TTC8: variants seen among roughly 807,000 people sequenced by gnomAD.
TTC8 encodes tetratricopeptide repeat protein 8.
A neutral mutation model predicts 72.5 loss-of-function variants in TTC8; 47 were observed. That is an observed-to-expected ratio of 0.65 (90% CI 0.51 to 0.83). The LOEUF (loss-of-function observed/expected upper bound fraction) is 0.83, where lower values mean the gene tolerates loss of function less well. TTC8 is among the 40% of genes least tolerant of loss of function. The pLI, the probability that TTC8 is intolerant of heterozygous loss-of-function variation, is 0.00. For synonymous variants in TTC8, 199 were observed against 221.4 expected, an observed-to-expected ratio of 0.90 and a Z score of 0.90; for missense variants, 611 against 623.2, an observed-to-expected ratio of 0.98 and a Z score of 0.21.
At chr14:88,873,672 G>A (rs1389823119) in intron 13 of TTC8, among the ~76,000 whole-genome samples, 1 of 152,108 alleles carries the variant, frequency 6.6e-6, no homozygotes, top group Non-Finnish European at 1.5e-5. Flanking sequence ...TTGGCATAGT[G>A]GAAGCATAGT....
chr14:88,870,009 T>G (rs749816130), intron 10 of TTC8, 50 bp from the exon 11 acceptor site: 2 of 1,598,914 alleles, frequency 1.3e-6, no homozygotes, highest in Admixed American at 3.3e-5. Context: ...AAAAATAATT[T>G]TTTGTCCAAT....
chr14:88,828,517 T>G (rs2094711877), intron 1 of TTC8, among the ~76,000 whole-genome samples: 1 of 152,238 alleles, frequency 6.6e-6, no homozygotes, highest in Admixed American at 6.5e-5. Flanking sequence ...TGGAGTGAAT[T>G]TGAAACTCCT....
intron 9 of TTC8, among the ~76,000 whole-genome samples, chr14:88,858,758 T>A: frequency 1.5e-5 from 1 of 67,008 alleles, no homozygotes. Context: ...TGGATAATTT[T>A]TTTTTTTTTT....
intron 14 of TTC8, among the ~76,000 whole-genome samples, chr14:88,875,664 G>A (rs185621061): frequency 4.6e-5 from 7 of 152,272 alleles, no homozygotes; most frequent in African/African-American, 1.4e-4. Flanking sequence ...TACTTGGAAG[G>A]TGAGTCTGTT....
chr14:88,834,003 AAAG>A (rs2094738508), intron 2 of TTC8: 2 of 453,034 alleles, frequency 4.4e-6, no homozygotes, highest in East Asian at 8.1e-5. Context: ...TATGAAAAAT[AAAG>A]AAGGAGGTGA....
At chr14:88,853,143 TC>T in intron 8 of TTC8, 87 bp downstream of exon 8, 2 of 931,964 alleles carry the variant, frequency 2.1e-6, no homozygotes, top group Non-Finnish European at 3.5e-6. Context: ...GGGGAGATTT[TC>T]CCATGAAGAA....
At chr14:88,866,885 T>C (rs2094912468) in intron 10 of TTC8, among the ~76,000 whole-genome samples, 1 of 152,146 alleles carries the variant, frequency 6.6e-6, no homozygotes, top group Admixed American at 6.5e-5. Context: ...AAAGATAGGA[T>C]AGGATAGAAG....
Position 88,861,300 on chromosome 14 carries a change from A to G in TTC8, c.877A>G (p.Thr293Ala). ...CTTAGATAAGTTTCCAGGAGAAGTA[A>G]CCCTGCTCTGTGGAATTGCAAGAAT... is the stretch of plus-strand genomic sequence containing the variant. The part of the protein sequence containing the change: ...QGLDKFPGEV[T>A]LLCGIARIYE... The change falls in exon 10 of 15, where the codon ACC (threonine) becomes GCC (alanine). Residue 293 changes from threonine (T) to alanine (A), a missense_variant. By Grantham distance (58) the Thr-to-Ala change is moderately conservative. Coordinates refer to ENST00000380656, the MANE Select transcript of TTC8 (RefSeq NM_144596.4). 1 of 1,612,442 alleles carries G rather than the reference A, an allele frequency of 6.2e-7. No individual in the cohort carries two copies. The highest frequency in any genetic ancestry group is 8.5e-7 in the Non-Finnish European group (1 of 1,179,076).
intron 3 of TTC8, among the ~76,000 whole-genome samples, 170 bp downstream of exon 3, chr14:88,839,742 C>T (rs967934843): frequency 3.3e-5 from 5 of 152,144 alleles, no homozygotes; most frequent in Non-Finnish European, 5.9e-5. Context: ...GGTTTCTGTT[C>T]TGCCTTATGG....
chr14:88,830,471 G>A (rs961097480), intron 1 of TTC8, among the ~76,000 whole-genome samples: 1 of 152,184 alleles, frequency 6.6e-6, no homozygotes, highest in Non-Finnish European at 1.5e-5. Context: ...ACTTGAATAA[G>A]TATGATAATA....
At chr14:88,839,661 C>G in intron 3 of TTC8, 89 bp downstream of exon 3, 1 of 1,405,318 alleles carries the variant, frequency 7.1e-7, no homozygotes, top group South Asian at 1.2e-5. Flanking sequence ...CTATATATTT[C>G]TACACTTTAT....
Position 88,866,741 on chromosome 14 carries a change from G to A in TTC8, c.910-3318G>A, listed in dbSNP as rs543572616. ...GTTGAACTATGGTCAACATCAACACGGGCTCTTTTCATCTGGAATAGAACA... is the reference window on the plus strand; with the variant it reads ...GTTGAACTATGGTCAACATCAACACAGGCTCTTTTCATCTGGAATAGAACA... On this transcript the variant is annotated intron_variant, in intron 10 of 14. Transcript: ENST00000380656. Among the ~76,000 whole-genome samples the A allele has an allele frequency of 4.9e-4, 74 of 152,186 alleles. No homozygotes were observed. In the Middle Eastern group the frequency reaches 0.014, roughly 28 times the overall value.
chr14:88,879,053 T>G (rs1194872406), downstream of TTC8: 2 of 152,044 alleles, frequency 1.3e-5, no homozygotes, highest in African/African-American at 4.8e-5. Context: ...TTGTGTGCAT[T>G]AGGAAAGTTG....
Position 88,871,472 on chromosome 14 carries a change from G to C in TTC8, c.1050-77G>C. 7.8e-7 allele frequency: 1 copy of C among 1,274,188 alleles called. No individual in the cohort carries two copies. Among genetic ancestry groups the C allele is most frequent in the Non-Finnish European group, 1.1e-6 (1 of 908,744 alleles). 78.9% of individuals were successfully genotyped at this position (1,274,188 alleles called of 1,614,324 possible). A position where few individuals can be genotyped will look rare whatever the true frequency, so the allele number is the denominator to read the frequency against. ...ACAAGATGAATTCATTTTTAACTGTGTAAAATATATATATATATGTCTTAA... is the reference window on the plus strand; with the variant it reads ...ACAAGATGAATTCATTTTTAACTGTCTAAAATATATATATATATGTCTTAA... On this transcript the variant is annotated intron_variant, in intron 11 of 14. Transcript: ENST00000380656. This position sits in a 1 kb window ranked among gnomAD's most constrained non-coding sequence, Gnocchi z 4.1.
chr14:88,863,713 T>G (rs1595977042), intron 10 of TTC8, among the ~76,000 whole-genome samples: 1 of 152,212 alleles, frequency 6.6e-6, no homozygotes, highest in East Asian at 1.9e-4. Context: ...TATGTTAACT[T>G]TTTTCTATGC....
rs756206583 is a variant in TTC8 at position 88,824,763 on chromosome 14, A to C, written c.56A>C (p.Lys19Thr). ...GCCTGGAGCTATTTTAGGCGCAGGA[A>C]GTTCCAGCTCTGCGCCGATCTATGC... ...LLAWSYFRRR[K>T]FQLCADLCTQ... is the part of the protein sequence containing the mutation. The change falls in exon 1 of 15, where the codon AAG becomes ACG. Residue 19 changes from lysine (K) to threonine (T), a missense_variant. Physicochemically the swap from Lys to Thr is moderately conservative, Grantham distance 78. Transcript: ENST00000380656. 9.3e-6 allele frequency: 15 copies of C among 1,613,356 alleles called. No homozygotes were observed. Among genetic ancestry groups the C allele is most frequent in the Non-Finnish European group, 1.3e-5 (15 of 1,179,756 alleles).
At chr14:88,832,633 T>C (rs759401303) in intron 1 of TTC8, among the ~76,000 whole-genome samples, 14 of 152,218 alleles carry the variant, frequency 9.2e-5, no homozygotes, top group Non-Finnish European at 2.1e-4. Flanking sequence ...ATGGTTGTTA[T>C]GAGACTCAAA....
intron 11 of TTC8, among the ~76,000 whole-genome samples, chr14:88,870,776 T>C (rs966994633): frequency 2.6e-5 from 4 of 152,226 alleles, no homozygotes; most frequent in African/African-American, 9.6e-5. Flanking sequence ...TTGGGTAATA[T>C]AGAAAGAGAT....
chr14:88,860,143 TG>T (rs2094878920), intron 9 of TTC8, among the ~76,000 whole-genome samples: 1 of 150,980 alleles, frequency 6.6e-6, no homozygotes, highest in African/African-American at 2.4e-5. Flanking sequence ...ATATAGAACT[TG>T]TACAGTCAAT....
Sources: allele counts gnomAD v4.1 joint callset (sites outside exome capture counted in the v4.1 genomes callset), GRCh38; gene constraint gnomAD v4.1.1; non-coding constraint Gnocchi (gnomAD v3.1); transcripts MANE v1.5; gene names NCBI Gene and HGNC (gene_info 2026-07-23, HGNC 2026-07-21).